XKR9: variants seen among roughly 807,000 people sequenced by gnomAD.
XKR9 encodes XK-related protein 9.
In XKR9, 32 loss-of-function variants were observed where a neutral mutation model predicts 32.0. The ratio of observed to expected loss-of-function variants is 1.00; its 90% CI spans 0.76 to 1.34. The LOEUF is 1.34. Ranked by LOEUF, XKR9 falls within the 40% of genes most tolerant of loss-of-function variation. The pLI, the probability that XKR9 is intolerant of heterozygous loss-of-function variation, is 0.00. For missense variants in XKR9, 546 were observed against 429.7 expected, an observed-to-expected ratio of 1.27 and a Z score of -2.39; for synonymous variants, 168 against 143.4, an observed-to-expected ratio of 1.17 and a Z score of -1.22.
chr8:70,744,310 CAA>C (rs5892236), intron 2 of XKR9, among the ~76,000 whole-genome samples: 69 of 148,154 alleles, frequency 4.7e-4, no homozygotes, highest in South Asian at 3.9e-3. Flanking sequence ...GACTTCGCCT[CAA>C]AAAAAAAAAA....
In XKR9 at chr8:70,677,588, A is replaced by G. The variant is rs1239110999; in HGVS notation, c.-279+2689A>G. On this transcript the variant is annotated intron_variant, in intron 2 of 4. Transcript: ENST00000408926. ...CTCAAATCTATAGACTGCTGTGCCTAAGTGTTATACTCACACAGCTATAAA... is the reference window on the plus strand; with the variant it reads ...CTCAAATCTATAGACTGCTGTGCCTGAGTGTTATACTCACACAGCTATAAA... Among the ~76,000 whole-genome samples the G allele has an allele frequency of 2.6e-5, 4 of 152,190 alleles. No homozygotes were observed. The East Asian group carries it at 7.7e-4, about 29-fold the overall frequency.
chr8:70,729,654 A>G (rs1292216599), intron 4 of XKR9, among the ~76,000 whole-genome samples: 1 of 152,198 alleles, frequency 6.6e-6, no homozygotes, highest in African/African-American at 2.4e-5. Flanking sequence ...ATAGTTAAAG[A>G]CACAATTGAC....
chr8:70,855,702 T>A, the XKR9 span, among the ~76,000 whole-genome samples: 40,545 of 150,764 alleles, frequency 0.27, 1,801 homozygotes, highest in Non-Finnish European at 0.35. Flanking sequence ...GAAATGAAGG[T>A]AAAAATGTTA....
chr8:70,777,147 C>T (rs1474329193), intron 2 of XKR9, among the ~76,000 whole-genome samples: 1 of 151,526 alleles, frequency 6.6e-6, no homozygotes, highest in Admixed American at 6.6e-5. Flanking sequence ...TGATGTTCCC[C>T]TCCCTATGTC....
At chr8:70,819,357 G>A in the XKR9 span, among the ~76,000 whole-genome samples, 2 of 152,190 alleles carry the variant, frequency 1.3e-5, no homozygotes, top group African/African-American at 2.4e-5. Flanking sequence ...TTGCGTAAAA[G>A]AGAATCATAC....
At chr8:70,819,634 C>A in the XKR9 span, among the ~76,000 whole-genome samples, 1 of 152,124 alleles carries the variant, frequency 6.6e-6, no homozygotes, top group Non-Finnish European at 1.5e-5. Context: ...GCTGTTTTAA[C>A]CTATAGGGTT....
At chr8:70,738,709 G>A (rs1296296469), downstream of XKR9, among the ~76,000 whole-genome samples, 3 of 151,970 alleles carry the variant, frequency 2.0e-5, no homozygotes, top group African/African-American at 7.3e-5. Flanking sequence ...CTTTATTTCT[G>A]CCTTCATTTC....
intron 3 of XKR9, among the ~76,000 whole-genome samples, chr8:70,694,539 A>G (rs2132140447): frequency 6.6e-6 from 1 of 152,306 alleles, no homozygotes; most frequent in East Asian, 1.9e-4. Context: ...CCATGTTTTG[A>G]TAGAGCGGCT....
the XKR9 span, among the ~76,000 whole-genome samples, chr8:70,809,109 C>T: frequency 5.3e-4 from 81 of 152,284 alleles, no homozygotes; most frequent in Admixed American, 1.3e-3. Flanking sequence ...TCCAGGGGAA[C>T]GATCAGGCAG....
At chr8:70,902,369 A>C in the XKR9 span, among the ~76,000 whole-genome samples, 1 of 152,140 alleles carries the variant, frequency 6.6e-6, no homozygotes, top group East Asian at 1.9e-4. Context: ...GGTCCTTCAC[A>C]TCCCTTGTAA....
chr8:70,742,054 G>A (rs1806994039), intron 2 of XKR9, among the ~76,000 whole-genome samples: 1 of 151,212 alleles, frequency 6.6e-6, no homozygotes, highest in South Asian at 2.1e-4. Flanking sequence ...TTAATGATTA[G>A]TGATGTTAAT....
chr8:71,015,089 C>A, the XKR9 span, among the ~76,000 whole-genome samples: 2 of 152,130 alleles, frequency 1.3e-5, no homozygotes, highest in Non-Finnish European at 2.9e-5. Context: ...TGAAAACTTG[C>A]AAAGTGGTTC....
the XKR9 span, among the ~76,000 whole-genome samples, chr8:70,858,115 G>A: frequency 6.6e-6 from 1 of 152,116 alleles, no homozygotes; most frequent in East Asian, 1.9e-4. Context: ...GTTCTGGCTA[G>A]GGCAATCAGG....
At chr8:70,805,252 T>A in the XKR9 span, among the ~76,000 whole-genome samples, 1 of 152,142 alleles carries the variant, frequency 6.6e-6, no homozygotes, top group Non-Finnish European at 1.5e-5. Context: ...AAACCGTGCT[T>A]TTTCCATGGA....
the XKR9 span, among the ~76,000 whole-genome samples, chr8:70,999,769 T>G: frequency 6.6e-6 from 1 of 152,210 alleles, no homozygotes; most frequent in Admixed American, 6.5e-5. Context: ...AGTTTTAAAC[T>G]CCAATGTTCC....
the XKR9 span, among the ~76,000 whole-genome samples, chr8:70,880,059 T>G: frequency 6.6e-6 from 1 of 152,254 alleles, no homozygotes; most frequent in East Asian, 1.9e-4. Flanking sequence ...AAAAGGCCTT[T>G]GACAAAATTC....
At chr8:70,733,645 A>T (rs1272288647) in intron 4 of XKR9, 151 bp from the exon 5 acceptor site, 1 of 784,216 alleles carries the variant, frequency 1.3e-6, no homozygotes, top group South Asian at 3.4e-5. Flanking sequence ...CCCATACATA[A>T]TAATATCTAC....
chr8:70,950,825 C>A, the XKR9 span, among the ~76,000 whole-genome samples: 1 of 152,082 alleles, frequency 6.6e-6, no homozygotes, highest in Non-Finnish European at 1.5e-5. Flanking sequence ...AGGCACCCAC[C>A]ACCATGCCCA....
the XKR9 span, among the ~76,000 whole-genome samples, chr8:70,879,894 G>A: frequency 1.3e-5 from 2 of 152,124 alleles, no homozygotes; most frequent in African/African-American, 4.8e-5. Context: ...CTGGCAAACC[G>A]AATCCAGCAG....
Sources: gnomAD v4.1 joint callset for allele counts (sites outside exome capture counted in the v4.1 genomes callset) on GRCh38, gnomAD v4.1.1 for gene constraint, MANE v1.5 for transcripts, NCBI Gene and HGNC (gene_info 2026-07-23, HGNC 2026-07-21) for gene names.